BTLA: variants seen among roughly 807,000 people sequenced by gnomAD.
BTLA encodes the protein B and T lymphocyte associated.
Under a neutral mutation model 25.0 loss-of-function variants are expected in BTLA, and 11 were observed. The ratio of observed to expected loss-of-function variants is 0.44; its 90% CI spans 0.28 to 0.73. The LOEUF is 0.73. Ranked by LOEUF, BTLA falls within the 30% of genes least tolerant of loss-of-function variation. BTLA has a pLI of 0.15. For synonymous variants in BTLA, 104 were observed against 119.8 expected (o/e 0.87, Z 0.86); for missense variants, 282 against 332.8 (o/e 0.85, Z 1.19).
At position 112,470,044 on chromosome 3, in the gene BTLA, C is replaced by T. The variant is rs1423071632; in HGVS notation, c.548-240G>A. The T allele has an allele frequency of 1.5e-5, 6 of 402,662 alleles. 1 individual carries two copies. The South Asian group carries it at 1.7e-4, about 12-fold the overall frequency. The allele number at this position is 402,662 out of a possible 1,614,324, so 24.9% of individuals were successfully genotyped here. A position where few individuals can be genotyped will look rare whatever the true frequency, so the allele number is the denominator to read the frequency against. ...CATATCTAAAAGGAAGGGGAGGGAT[C>T]TAGTATATCACTTGGAAGAGACTGG... On this transcript the variant is annotated intron_variant, in intron 3 of 4. Coordinates refer to ENST00000334529, the MANE Select transcript of BTLA (RefSeq NM_181780.4).
chr3:112,473,418 C>G (rs1314694380), intron 2 of BTLA, among the ~76,000 whole-genome samples: 1 of 152,028 alleles, frequency 6.6e-6, no homozygotes, highest in Non-Finnish European at 1.5e-5. Context: ...CACCTCTTCC[C>G]CATTCCTTAA....
intron 2 of BTLA, among the ~76,000 whole-genome samples, chr3:112,478,479 A>C (rs550369708): frequency 1.3e-5 from 2 of 152,118 alleles, no homozygotes; most frequent in Non-Finnish European, 2.9e-5. Context: ...TTGATCCTGT[A>C]TCATGTGGAA....
Position 112,465,421 on chromosome 3 carries a change from A to C in BTLA, c.*687T>G, listed in dbSNP as rs545218911. On this transcript the variant is annotated 3_prime_UTR_variant, in exon 5 of 5. Transcript: ENST00000334529. ...TCTCTACTTTCCTCATAAATGTGCT[A>C]TACGTTGACTGCTCCATTAATACCT... 1.3e-5 allele frequency: 2 copies of C among 152,652 alleles called. No homozygotes were observed. Among genetic ancestry groups the C allele is most frequent in the Non-Finnish European group, 2.9e-5 (2 of 68,050 alleles). 9.5% of individuals were successfully genotyped at this position (152,652 alleles called of 1,614,324 possible).
At chr3:112,469,369 C>G (rs962869928) in intron 4 of BTLA, among the ~76,000 whole-genome samples, 7 of 152,020 alleles carry the variant, frequency 4.6e-5, no homozygotes, top group East Asian at 1.9e-4. Flanking sequence ...GCTCCCTACT[C>G]TCTTCCAGAA....
intron 2 of BTLA, among the ~76,000 whole-genome samples, chr3:112,476,864 C>G (rs1351798734): frequency 6.6e-6 from 1 of 152,136 alleles, no homozygotes; most frequent in Non-Finnish European, 1.5e-5. Context: ...TCCTCAGCCC[C>G]TGGCAACCAC....
rs538589992 is a variant in BTLA, at chr3:112,478,750, G to T, written c.403+705C>A. On this transcript the variant is annotated intron_variant, in intron 2 of 4. Coordinates refer to ENST00000334529, the MANE Select transcript of BTLA (RefSeq NM_181780.4). ...CCTTTCACCATTGAATATGATGTTGGCTATAAAATTTTTATAAACCAAGTA... is the reference window on the plus strand; with the variant it reads ...CCTTTCACCATTGAATATGATGTTGTCTATAAAATTTTTATAAACCAAGTA... 3.3e-5 allele frequency among the ~76,000 whole-genome samples: 5 copies of T among 152,156 alleles called. No individual in the cohort carries two copies. The South Asian group carries it at 1.0e-3, about 32-fold the overall frequency.
chr3:112,470,725 G>A (rs1450785720), intron 3 of BTLA, among the ~76,000 whole-genome samples: 1 of 152,106 alleles, frequency 6.6e-6, no homozygotes, highest in Non-Finnish European at 1.5e-5. Context: ...GTTTATAATG[G>A]CAATAGAAAA....
chr3:112,489,302 G>C (rs746240281), intron 1 of BTLA, among the ~76,000 whole-genome samples: 1 of 152,140 alleles, frequency 6.6e-6, no homozygotes, highest in African/African-American at 2.4e-5. Context: ...AGCTGAGCAA[G>C]TGTAGTTGCT....
chr3:112,480,658 C>A (rs140437626), intron 1 of BTLA, among the ~76,000 whole-genome samples: 1 of 152,164 alleles, frequency 6.6e-6, no homozygotes, highest in African/African-American at 2.4e-5. Context: ...CCCGTGATAA[C>A]GAATCCATTC....
intron 2 of BTLA, among the ~76,000 whole-genome samples, chr3:112,472,681 A>C (rs2107313139): frequency 6.6e-6 from 1 of 152,252 alleles, no homozygotes; most frequent in Non-Finnish European, 1.5e-5. Context: ...TGACAGAGTA[A>C]GACTCCATCT....
At chr3:112,489,660 A>G (rs2082369099) in intron 1 of BTLA, among the ~76,000 whole-genome samples, 1 of 152,232 alleles carries the variant, frequency 6.6e-6, no homozygotes, top group Non-Finnish European at 1.5e-5. Context: ...CGGTATAATA[A>G]ACCAATAATT....
chr3:112,470,006 C>T, intron 3 of BTLA: 1 of 488,310 alleles, frequency 2.0e-6, no homozygotes, highest in East Asian at 3.6e-5. Context: ...TTTCAGTCCA[C>T]ATAGCCCCAT....
chr3:112,483,976 A>G lies in BTLA; in HGVS notation c.89-4207T>C, dbSNP rs542589951. ...CAGTAAGACTCTGTCTCAAAAAAAA[A>G]AAAAAAGATACAAACAACTTTGCAT... On this transcript the variant is annotated intron_variant, in intron 1 of 4. Coordinates refer to ENST00000334529, the MANE Select transcript of BTLA (RefSeq NM_181780.4). 7.0e-4 allele frequency among the ~76,000 whole-genome samples: 107 copies of G among 152,198 alleles called. 1 individual carries two copies. The highest frequency in any genetic ancestry group is 2.5e-3 in the African/African-American group (104 of 41,530).
chr3:112,487,419 T>C (rs1317259163), intron 1 of BTLA, among the ~76,000 whole-genome samples: 1 of 152,138 alleles, frequency 6.6e-6, no homozygotes, highest in Non-Finnish European at 1.5e-5. Flanking sequence ...ACCCTGTCTC[T>C]ATTAAAAAAT....
At chr3:112,466,484 A>G (rs1469643509) in intron 4 of BTLA, 101 bp from the exon 5 acceptor site, 7 of 1,087,920 alleles carry the variant, frequency 6.4e-6, no homozygotes, top group Non-Finnish European at 8.9e-6. Context: ...AGTCATGTCC[A>G]TTGTGAGAAA....
At position 112,465,475 on chromosome 3, in the gene BTLA, A is replaced by C. The variant is rs967802718; in HGVS notation, c.*633T>G. ...TTTGCTTATCAATCTAACAGAGTAG[A>C]TATAAGCATTTGTTTGCCAGGTATG... On this transcript the variant is annotated 3_prime_UTR_variant, in exon 5 of 5. Coordinates refer to ENST00000334529, the MANE Select transcript of BTLA (RefSeq NM_181780.4). The C allele has an allele frequency of 6.6e-6, 1 of 152,662 alleles. No homozygotes were observed. The highest frequency in any genetic ancestry group is 2.4e-5 in the African/African-American group (1 of 41,468). The allele number at this position is 152,662 out of a possible 1,614,324, so 9.5% of individuals were successfully genotyped here.
chr3:112,477,465 T>C (rs1346154545), intron 2 of BTLA, among the ~76,000 whole-genome samples: 2 of 152,070 alleles, frequency 1.3e-5, no homozygotes, highest in African/African-American at 4.8e-5. Context: ...TTTTCATATG[T>C]TTATTGGCCA....
chr3:112,480,518 A>T (rs778125041), intron 1 of BTLA, among the ~76,000 whole-genome samples: 4 of 152,216 alleles, frequency 2.6e-5, no homozygotes, highest in Non-Finnish European at 5.9e-5. Flanking sequence ...GAAGTCCAAG[A>T]GCATGGTGCC....
At chr3:112,479,919 T>A in intron 1 of BTLA, 150 bp from the exon 2 acceptor site, 1 of 628,084 alleles carries the variant, frequency 1.6e-6, no homozygotes, top group South Asian at 2.1e-5. Flanking sequence ...GAATGTCTCA[T>A]ACATATTAGG....
Sources: gnomAD v4.1 joint callset for allele counts (sites outside exome capture counted in the v4.1 genomes callset) on GRCh38, gnomAD v4.1.1 for gene constraint, MANE v1.5 for transcripts, NCBI Gene and HGNC (gene_info 2026-07-23, HGNC 2026-07-21) for gene names.